Variants in TMEM52 observed in about 807,000 individuals in gnomAD.
TMEM52 encodes transmembrane protein 52.
TMEM52 carries 14 observed loss-of-function variants against 16.2 expected under a neutral mutation model. The ratio of observed to expected loss-of-function variants is 0.87; its 90% confidence interval spans 0.57 to 1.35. The LOEUF (loss-of-function observed/expected upper bound fraction) is 1.35. TMEM52 is among the 40% of genes most tolerant of loss of function. The pLI, the probability that TMEM52 is intolerant of heterozygous loss-of-function variation, is 0.00. For missense variants in TMEM52, 309 were observed against 278.6 expected, an observed-to-expected ratio of 1.11 and a Z score of -0.78; for synonymous variants, 136 against 124.7, an observed-to-expected ratio of 1.09 and a Z score of -0.60.
rs1248839383 is a variant in TMEM52, at chr1:1,918,167, A to C, written c.350-5T>G. ...GGTACTGCACGGAGCTGTAGGCTGC[A>C]GGGAACCAGAGTGGGTTCGTGGAGG... On this transcript the variant is annotated splice_polypyrimidine_tract_variant and splice_region_variant and intron_variant, in intron 4 of 4. Transcript: ENST00000310991. 1 of 1,610,146 alleles carries C rather than the reference A, an allele frequency of 6.2e-7. No individual in the cohort carries two copies. The highest frequency in any genetic ancestry group is 1.1e-5 in the South Asian group (1 of 91,062).
chr1:1,918,303 A>C lies in TMEM52; in HGVS notation c.299T>G (p.Val100Gly), dbSNP rs148299726. Residue 100 changes from valine to glycine, a missense_variant, in exon 4 of 5, where the codon GTG (valine) becomes GGG (glycine). By Grantham distance (109) the Val-to-Gly change is moderately radical (BLOSUM62 -3). Coordinates refer to ENST00000310991, the MANE Select transcript of TMEM52 (RefSeq NM_178545.4). ...HLPPARQPCD[V>G]AVIPMDSDSP... ...GTCACTGTCCATAGGGATGACTGCC[A>C]CGTCGCAGGGCTGCCGTGCTGGTGG... is the stretch of plus-strand genomic sequence containing the variant. 10 of 1,612,764 alleles carry C rather than the reference A, an allele frequency of 6.2e-6. No individual in the cohort carries two copies. The highest frequency in any genetic ancestry group is 8.5e-6 in the Non-Finnish European group (10 of 1,180,004).
In TMEM52 at chr1:1,919,188, C is replaced by CAGCGGCAGGAGCGGCAGG. The variant is rs575852588; in HGVS notation, c.60_77dup (p.Leu21_Leu26dup). On this transcript the variant is annotated inframe_insertion, in exon 1 of 5. Transcript: ENST00000310991. ...AGAACGCCGCCCGACCCACCTGCGG[C>CAGCGGCAGGAGCGGCAGG]AGCGGCAGGAGCGGCAGGAGCGGCA... 49 of 1,365,192 alleles carry CAGCGGCAGGAGCGGCAGG rather than the reference C, an allele frequency of 3.6e-5. No individual in the cohort carries two copies. In the East Asian group the frequency reaches 8.9e-4, roughly 25 times the overall value. 84.6% of individuals were successfully genotyped at this position (1,365,192 alleles called of 1,614,324 possible).
At chr1:1,919,158 G>T (rs373728381) in intron 1 of TMEM52, 24 bp downstream of exon 1, 4 of 1,366,866 alleles carry the variant, frequency 2.9e-6, no homozygotes, top group Non-Finnish European at 3.8e-6. Context: ...TGGCCGAACC[G>T]AGAGAGAACG....
chr1:1,918,832 GC>G, intron 3 of TMEM52, 60 bp downstream of exon 3: 3 of 1,483,892 alleles, frequency 2.0e-6, no homozygotes, highest in South Asian at 2.6e-5. Flanking sequence ...GGCGGGCCTG[GC>G]CCCGGTGACC....
intron 3 of TMEM52, 178 bp from the exon 4 acceptor site, chr1:1,918,609 G>A: frequency 2.6e-6 from 2 of 755,786 alleles, no homozygotes; most frequent in South Asian, 3.1e-5. Flanking sequence ...GCCTGCCCTG[G>A]CTATCTCTCC....
chr1:1,919,066 C>G lies in TMEM52; in HGVS notation c.107G>C (p.Gly36Ala), dbSNP rs1326173014. ...TTACTGGTCCGAGGGGTCGCAGCTG[C>G]CGTCCGCGAAGCCCAGCGCCACCTG... ...LPQVALGFAD[G>A]SCDPSDQCPP... Residue 36 changes from glycine to alanine, a missense_variant, in exon 2 of 5, where the codon GGC becomes GCC. Transcript: ENST00000310991. 1 of 1,339,938 alleles carries G rather than the reference C, an allele frequency of 7.5e-7. No homozygotes were observed. The highest frequency in any genetic ancestry group is 9.5e-7 in the Non-Finnish European group (1 of 1,049,626). 83.0% of individuals were successfully genotyped at this position (1,339,938 alleles called of 1,614,324 possible).
rs1412548583 is a variant in TMEM52, at chr1:1,917,655, C to G, written c.*227G>C. The stretch of plus-strand genomic sequence containing the variant: ...CAGACGTCACAGGTGGCCCTGAGCT[C>G]CCACCCGAGGCTTAGGCCCAAGGGG... On this transcript the variant is annotated 3_prime_UTR_variant, in exon 5 of 5. Transcript: ENST00000310991. 2 of 597,390 alleles carry G rather than the reference C, an allele frequency of 3.3e-6. No homozygotes were observed. The highest frequency in any genetic ancestry group is 5.9e-5 in the Admixed American group (2 of 33,624). The allele number at this position is 597,390 out of a possible 1,614,324, so 37.0% of individuals were successfully genotyped here. A position where few individuals can be genotyped will look rare whatever the true frequency, so the allele number is the denominator to read the frequency against.
chr1:1,919,247 C>A lies in TMEM52; in HGVS notation c.19G>T (p.Ala7Ser). The change falls in exon 1 of 5, where the codon GCC becomes TCC. Residue 7 changes from alanine (A) to serine (S), a missense_variant. Ala to Ser is a moderately conservative substitution (Grantham distance 99, BLOSUM62 1). Coordinates refer to ENST00000310991, the MANE Select transcript of TMEM52 (RefSeq NM_178545.4). MARGPL[A>S]ARGLRLLLPL... Reference sequence around the variant, plus strand: ...AGCAGCAGCCGCAGTCCGCGGGCGGCCAGCGGCCCCCGGGCCATGCTCTGA... The same window carrying A: ...AGCAGCAGCCGCAGTCCGCGGGCGGACAGCGGCCCCCGGGCCATGCTCTGA... The A allele has an allele frequency of 7.3e-7, 1 of 1,365,996 alleles. No homozygotes were observed. Among genetic ancestry groups the A allele is most frequent in the Non-Finnish European group, 9.4e-7 (1 of 1,068,036 alleles). The allele number at this position is 1,365,996 out of a possible 1,614,324, so 84.6% of individuals were successfully genotyped here.
Position 1,919,208 on chromosome 1 carries a change from GC to G in TMEM52, c.57del (p.Leu20SerfsTer96). On this transcript the variant is annotated frameshift_variant, in exon 1 of 5. Coordinates refer to ENST00000310991, the MANE Select transcript of TMEM52 (RefSeq NM_178545.4). LOFTEE classifies it high-confidence loss of function. ...RGLRLLLPLL[P>X]LLPLLPLPQV... is the part of the protein sequence containing the mutation. ...TGCGGCAGCGGCAGGAGCGGCAGGA[GC>G]GGCAGGAGCGGCAGCAGCAGCCGCA... The G allele has an allele frequency of 7.3e-7, 1 of 1,366,240 alleles. No individual in the cohort carries two copies. The highest frequency in any genetic ancestry group is 1.7e-5 in the South Asian group (1 of 58,398). The allele number at this position is 1,366,240 out of a possible 1,614,324, so 84.6% of individuals were successfully genotyped here.
chr1:1,917,662 G>A lies in TMEM52; in HGVS notation c.*220C>T, dbSNP rs750547151. The stretch of plus-strand genomic sequence containing the variant: ...CACAGGTGGCCCTGAGCTCCCACCC[G>A]AGGCTTAGGCCCAAGGGGCCTCTTC... On this transcript the variant is annotated 3_prime_UTR_variant, in exon 5 of 5. Coordinates refer to ENST00000310991, the MANE Select transcript of TMEM52 (RefSeq NM_178545.4). 7.8e-5 allele frequency: 47 copies of A among 603,136 alleles called. No homozygotes were observed. The highest frequency in any genetic ancestry group is 6.3e-4 in the African/African-American group (34 of 53,974). The allele number at this position is 603,136 out of a possible 1,614,324, so 37.4% of individuals were successfully genotyped here. A position where few individuals can be genotyped will look rare whatever the true frequency, so the allele number is the denominator to read the frequency against.
chr1:1,918,383 A>G lies in TMEM52; in HGVS notation c.219T>C (p.Ala73=). 1 of 1,612,728 alleles carries G rather than the reference A, an allele frequency of 6.2e-7. No homozygotes were observed. The highest frequency in any genetic ancestry group is 8.5e-7 in the Non-Finnish European group (1 of 1,179,950). The stretch of plus-strand genomic sequence containing the variant: ...GGAGGCAGCAGAACCGGACACAACC[A>G]GCTGTGACACCACACAGCAGAAGCA... ...VLLLLLCGVT[A]GCVRFCCLRK... The change falls in exon 4 of 5, where the codon GCT becomes GCC. Residue 73 remains alanine (A), a synonymous_variant. Coordinates refer to ENST00000310991, the MANE Select transcript of TMEM52 (RefSeq NM_178545.4).
rs1233111826 is a variant in TMEM52 at position 1,917,705 on chromosome 1, G to A, written c.*177C>T. 1.6e-5 allele frequency: 12 copies of A among 743,544 alleles called. No individual in the cohort carries two copies. The East Asian group carries it at 2.6e-4, about 16-fold the overall frequency. The allele number at this position is 743,544 out of a possible 1,614,324, so 46.1% of individuals were successfully genotyped here. A position where few individuals can be genotyped will look rare whatever the true frequency, so the allele number is the denominator to read the frequency against. On this transcript the variant is annotated 3_prime_UTR_variant, in exon 5 of 5. Coordinates refer to ENST00000310991, the MANE Select transcript of TMEM52 (RefSeq NM_178545.4). ...GCCTCTTCCAGGCTGAGGGCCTGCT[G>A]GGGCTGGGCCAGGGGCTGAGGCTGA...
At chr1:1,918,542 A>C in intron 3 of TMEM52, 111 bp from the exon 4 acceptor site, 1 of 996,426 alleles carries the variant, frequency 1.0e-6, no homozygotes, top group Non-Finnish European at 1.6e-6. Flanking sequence ...TAAAAAGCAG[A>C]CAATGTCTCT....
rs1198710187 is a variant in TMEM52 at position 1,919,053 on chromosome 1, G to A, written c.120C>T (p.Pro40=). The A allele has an allele frequency of 3.7e-6, 5 of 1,340,426 alleles. No homozygotes were observed. Among genetic ancestry groups the A allele is most frequent in the African/African-American group, 1.5e-5 (1 of 65,318 alleles). 83.0% of individuals were successfully genotyped at this position (1,340,426 alleles called of 1,614,324 possible). A position where few individuals can be genotyped will look rare whatever the true frequency, so the allele number is the denominator to read the frequency against. ...ALGFADGSCD[P]SDQCPPQARW... ...CCTCCCCCCCGACTTACTGGTCCGA[G>A]GGGTCGCAGCTGCCGTCCGCGAAGC... The change falls in exon 2 of 5, where the codon CCC becomes CCT. Residue 40 remains proline (P), a synonymous_variant. Transcript: ENST00000310991.
chr1:1,918,907 G>T lies in TMEM52; in HGVS notation c.156C>A (p.Ser52Arg). The T allele has an allele frequency of 2.1e-6, 3 of 1,413,680 alleles. No homozygotes were observed. The highest frequency in any genetic ancestry group is 3.2e-5 in the South Asian group (2 of 63,256). The allele number at this position is 1,413,680 out of a possible 1,614,324, so 87.6% of individuals were successfully genotyped here. A position where few individuals can be genotyped will look rare whatever the true frequency, so the allele number is the denominator to read the frequency against. The change falls in exon 3 of 5, where the codon AGC (serine) becomes AGA (arginine). Residue 52 changes from serine to arginine, a missense_variant. By Grantham distance (110) the Ser-to-Arg change is moderately radical. Coordinates refer to ENST00000310991, the MANE Select transcript of TMEM52 (RefSeq NM_178545.4). Reference protein sequence around the residue: ...DQCPPQARWSSLWHVGLILLA... With the variant: ...DQCPPQARWSRLWHVGLILLA... ...CCTCCACTTACCCCACGTGCCACAG[G>T]CTGCTCCAGCGGGCCTGGGGCGGGC... is the stretch of plus-strand genomic sequence containing the variant.
At position 1,918,359 on chromosome 1, in the gene TMEM52, G is replaced by A; in HGVS notation, c.243C>T (p.Leu81=). 3.1e-6 allele frequency: 5 copies of A among 1,612,690 alleles called. No homozygotes were observed. Among genetic ancestry groups the A allele is most frequent in the Non-Finnish European group, 3.4e-6 (4 of 1,179,888 alleles). ...VTAGCVRFCC[L]RKQAQAQPHL... ...GTGGCTGGGCCTGTGCCTGCTTCCG[G>A]AGGCAGCAGAACCGGACACAACCAG... Residue 81 remains leucine (L), a synonymous_variant, in exon 4 of 5, where the codon CTC becomes CTT. Transcript: ENST00000310991.
rs1057408692 is a variant in TMEM52 at position 1,917,621 on chromosome 1, A to C, written c.*261T>G. 5 of 577,162 alleles carry C rather than the reference A, an allele frequency of 8.7e-6. No homozygotes were observed. The African/African-American group carries it at 9.3e-5, about 11-fold the overall frequency. 35.8% of individuals were successfully genotyped at this position (577,162 alleles called of 1,614,324 possible). A position where few individuals can be genotyped will look rare whatever the true frequency, so the allele number is the denominator to read the frequency against. ...TAAATACAAACTTTATTCTCTCTCC[A>C]AGAAGATGCAGACGTCACAGGTGGC... On this transcript the variant is annotated 3_prime_UTR_variant, in exon 5 of 5. Transcript: ENST00000310991.
intron 3 of TMEM52, 140 bp from the exon 4 acceptor site, chr1:1,918,571 T>A: frequency 5.8e-6 from 5 of 867,014 alleles, no homozygotes; most frequent in Non-Finnish European, 9.6e-6. Context: ...GAGACCGCCG[T>A]GGCCAGAGCC....
In TMEM52 at chr1:1,918,407, CAGG is replaced by C; in HGVS notation, c.192_194del (p.Leu68del). ...CAGCTGTGACACCACACAGCAGAAG[CAGG>C]AGGACCGCCAGCAGGATGAGCCTAG... On this transcript the variant is annotated inframe_deletion, in exon 4 of 5. Coordinates refer to ENST00000310991, the MANE Select transcript of TMEM52 (RefSeq NM_178545.4). The C allele has an allele frequency of 6.2e-7, 1 of 1,612,572 alleles. No individual in the cohort carries two copies. The highest frequency in any genetic ancestry group is 2.2e-5 in the East Asian group (1 of 44,878).
Sources: gnomAD v4.1 joint callset for allele counts on GRCh38, gnomAD v4.1.1 for gene constraint, MANE v1.5 for transcripts, NCBI Gene and HGNC (gene_info 2026-07-23, HGNC 2026-07-21) for gene names.